XRCC4: variants seen among roughly 807,000 people sequenced by gnomAD.
XRCC4 encodes DNA repair protein XRCC4.
Under a neutral mutation model 39.1 loss-of-function variants are expected in XRCC4, and 28 were observed. The observed-to-expected ratio is 0.72, with a 90% CI of 0.53 to 0.98. The LOEUF (loss-of-function observed/expected upper bound fraction) is 0.98, where lower values mean the gene tolerates loss of function less well. Ranked by LOEUF, XRCC4 falls within the 50% of genes least tolerant of loss-of-function variation. XRCC4 has a pLI of 0.00. For missense variants in XRCC4, 350 were observed against 376.4 expected, an observed-to-expected ratio of 0.93 and a Z score of 0.58; for synonymous variants, 123 against 126.4, an observed-to-expected ratio of 0.97 and a Z score of 0.18.
chr5:83,101,949 GAAAA>G (rs201595016), intron 1 of XRCC4, among the ~76,000 whole-genome samples: 73,785 of 151,708 alleles, frequency 0.49, 18,721 homozygotes, highest in African/African-American at 0.62. Context: ...AACATACATA[GAAAA>G]ACAACTAAAC....
At chr5:83,223,359 C>T (rs567693623) in intron 6 of XRCC4, among the ~76,000 whole-genome samples, 7 of 152,106 alleles carry the variant, frequency 4.6e-5, no homozygotes, top group Non-Finnish European at 8.8e-5. Flanking sequence ...CCTTTTCAGT[C>T]TATTAATATT....
At chr5:83,220,641 A>G (rs1437749919) in intron 6 of XRCC4, among the ~76,000 whole-genome samples, 1 of 152,144 alleles carries the variant, frequency 6.6e-6, no homozygotes, top group Non-Finnish European at 1.5e-5. Context: ...GGCCAGAAGA[A>G]AAGCTCAATG....
At chr5:83,155,914 T>C (rs557740462) in intron 3 of XRCC4, among the ~76,000 whole-genome samples, 1 of 152,242 alleles carries the variant, frequency 6.6e-6, no homozygotes, top group East Asian at 1.9e-4. Flanking sequence ...CAATATGAAC[T>C]GAGTCTTAAT....
chr5:83,244,289 C>A lies in XRCC4; in HGVS notation c.746-14241C>A, dbSNP rs1399983195. Among the ~76,000 whole-genome samples the A allele has an allele frequency of 2.6e-5, 4 of 152,178 alleles. No homozygotes were observed. In the East Asian group the frequency reaches 5.8e-4, roughly 22 times the overall value. ...TATGTTGTAGGATTTTGTTGTCTTTCTTTAAAGATCATTGAGTTTTGTTCT... is the reference window on the plus strand; with the variant it reads ...TATGTTGTAGGATTTTGTTGTCTTTATTTAAAGATCATTGAGTTTTGTTCT... On this transcript the variant is annotated intron_variant, in intron 6 of 7. Transcript: ENST00000396027.
chr5:83,119,294 C>T (rs1422638887), intron 3 of XRCC4, among the ~76,000 whole-genome samples: 3 of 152,096 alleles, frequency 2.0e-5, no homozygotes, highest in African/African-American at 7.2e-5. Context: ...ATATGGGTTG[C>T]AGATGTGTTG....
At chr5:83,303,750 T>C (rs1398613711) in intron 7 of XRCC4, among the ~76,000 whole-genome samples, 1 of 152,196 alleles carries the variant, frequency 6.6e-6, no homozygotes, top group East Asian at 1.9e-4. Context: ...ATTTAGGTAA[T>C]GTTATATGGA....
chr5:83,283,681 C>T (rs1024764704), intron 7 of XRCC4, among the ~76,000 whole-genome samples: 1 of 152,098 alleles, frequency 6.6e-6, no homozygotes, highest in Non-Finnish European at 1.5e-5. Flanking sequence ...TTTTCATTCT[C>T]TCTTGGCATC....
chr5:83,340,657 T>C (rs1267834710), intron 7 of XRCC4, among the ~76,000 whole-genome samples: 4 of 151,266 alleles, frequency 2.6e-5, no homozygotes, highest in Non-Finnish European at 5.9e-5. Context: ...GCTTCTCCAC[T>C]AGTGCCTCCA....
chr5:83,352,119 G>A (rs1757100497), intron 7 of XRCC4, among the ~76,000 whole-genome samples: 1 of 152,058 alleles, frequency 6.6e-6, no homozygotes. Flanking sequence ...TAAATGACTT[G>A]CCTAAAGTTA....
intron 3 of XRCC4, 110 bp from the exon 4 acceptor site, chr5:83,195,660 T>C: frequency 9.1e-7 from 1 of 1,095,970 alleles, no homozygotes; most frequent in Non-Finnish European, 1.2e-6. Flanking sequence ...GCATTGTATT[T>C]AAATCCTTCT....
intron 3 of XRCC4, among the ~76,000 whole-genome samples, chr5:83,122,434 A>G (rs1055347780): frequency 3.3e-5 from 5 of 152,160 alleles, no homozygotes; most frequent in African/African-American, 1.2e-4. Context: ...GGAAGAAGGC[A>G]GGGATGTTGC....
intron 1 of XRCC4, among the ~76,000 whole-genome samples, chr5:83,085,182 A>C (rs1745125078): frequency 6.6e-6 from 1 of 152,190 alleles, no homozygotes; most frequent in Non-Finnish European, 1.5e-5. Flanking sequence ...TTATTGGATA[A>C]AGAAGGAACT....
At chr5:83,251,668 T>C (rs1753323597) in intron 6 of XRCC4, among the ~76,000 whole-genome samples, 2 of 152,194 alleles carry the variant, frequency 1.3e-5, no homozygotes, top group Non-Finnish European at 2.9e-5. Flanking sequence ...CCACTCTGCC[T>C]CTGACATTGA....
intron 3 of XRCC4, among the ~76,000 whole-genome samples, chr5:83,147,117 G>A (rs1189755813): frequency 1.3e-5 from 2 of 152,170 alleles, no homozygotes; most frequent in East Asian, 1.9e-4. Flanking sequence ...TAGTATCATC[G>A]TGTTTTAAAA....
intron 7 of XRCC4, among the ~76,000 whole-genome samples, chr5:83,300,336 TTC>T (rs966112920): frequency 6.6e-6 from 1 of 152,098 alleles, no homozygotes; most frequent in African/African-American, 2.4e-5. Flanking sequence ...TATGTTCTCT[TTC>T]TCTCTCTCTT....
intron 3 of XRCC4, among the ~76,000 whole-genome samples, chr5:83,146,737 C>T (rs1748473222): frequency 6.6e-6 from 1 of 152,164 alleles, no homozygotes; most frequent in African/African-American, 2.4e-5. Context: ...CACCCACAAA[C>T]AAATGTCAAC....
At chr5:83,304,176 CTTTT>C (rs753535950) in intron 7 of XRCC4, among the ~76,000 whole-genome samples, 2 of 128,378 alleles carry the variant, frequency 1.6e-5, no homozygotes, top group Non-Finnish European at 1.6e-5. Context: ...TGTTAAACAA[CTTTT>C]TTTTTTTTTT....
chr5:83,359,503 A>T, the XRCC4 span, among the ~76,000 whole-genome samples: 1 of 152,104 alleles, frequency 6.6e-6, no homozygotes, highest in Non-Finnish European at 1.5e-5. Flanking sequence ...TGCACACAGA[A>T]GCAGAGCACC....
chr5:83,307,568 C>T lies in XRCC4; in HGVS notation c.894-45563C>T, dbSNP rs576488250. ...TGTCACAGACCAAGGTTGGAAGCCA[C>T]ATTTAGTTGTGATTATCAGAAAGCT... is the stretch of plus-strand genomic sequence containing the variant. On this transcript the variant is annotated intron_variant, in intron 7 of 7. Coordinates refer to ENST00000396027, the MANE Select transcript of XRCC4 (RefSeq NM_003401.5). Among the ~76,000 whole-genome samples, 5 of 152,262 alleles carry T rather than the reference C, an allele frequency of 3.3e-5. No individual in the cohort carries two copies. In the East Asian group the frequency reaches 9.6e-4, roughly 29 times the overall value.
Sources: allele counts gnomAD v4.1 joint callset (sites outside exome capture counted in the v4.1 genomes callset), GRCh38; gene constraint gnomAD v4.1.1; transcripts MANE v1.5; gene names NCBI Gene and HGNC (gene_info 2026-07-23, HGNC 2026-07-21).